DAB2: variants seen among roughly 807,000 people sequenced by gnomAD.
DAB2 encodes disabled homolog 2.
Under a neutral mutation model 71.6 loss-of-function variants are expected in DAB2, and 28 were observed. That is an observed-to-expected ratio of 0.39 (90% CI 0.29 to 0.54). The LOEUF is 0.54. Among genes scored for constraint, DAB2 ranks in the 20% least tolerant of loss-of-function variants. DAB2 has a pLI of 0.68. For synonymous variants in DAB2, 345 were observed against 339.7 expected (o/e 1.02, Z -0.17); for missense variants, 867 against 928.8 (o/e 0.93, Z 0.86).
At chr5:39,396,880 T>C (rs115068723) in intron 1 of DAB2, among the ~76,000 whole-genome samples, 1,959 of 152,310 alleles carry the variant, frequency 0.013, 40 homozygotes, top group African/African-American at 0.039. Context: ...TGTATGTGGA[T>C]GCTGAGTAGC....
At chr5:39,404,401 A>G (rs2112086225) in intron 1 of DAB2, among the ~76,000 whole-genome samples, 1 of 146,104 alleles carries the variant, frequency 6.8e-6, no homozygotes, top group Non-Finnish European at 1.5e-5. Context: ...TAATAAAAAA[A>G]AAGAAAAAGT....
Position 39,382,619 on chromosome 5 carries a change from T to A in DAB2, c.1340A>T (p.Lys447Met), listed in dbSNP as rs1425860486. ...TKPGRGRRTA[K>M]SSANDLLASD... ...GGATATGTGGAGAAGACAATTCACC[T>A]TAGCAGTCCTTCTGCCTCTTCCTGG... is the stretch of plus-strand genomic sequence containing the variant. Residue 447 changes from lysine to methionine, a missense_variant and splice_region_variant, in exon 10 of 15, where the codon AAG (lysine) becomes ATG (methionine). This residue lies in a region of DAB2 where 740 missense variants were observed against 734.3 expected (regional missense o/e 1.01). Transcript: ENST00000320816. 3.7e-6 allele frequency: 6 copies of A among 1,612,080 alleles called. No homozygotes were observed. The highest frequency in any genetic ancestry group is 4.2e-6 in the Non-Finnish European group (5 of 1,178,460).
At chr5:39,374,870 C>T in intron 14 of DAB2, 144 bp downstream of exon 14, 1 of 651,908 alleles carries the variant, frequency 1.5e-6, no homozygotes, top group Non-Finnish European at 2.7e-6. Context: ...TGAATGATCT[C>T]AGTAGAGATT....
intron 1 of DAB2, among the ~76,000 whole-genome samples, chr5:39,404,587 T>A (rs1231667840): frequency 6.8e-6 from 1 of 147,512 alleles, no homozygotes; most frequent in Non-Finnish European, 1.5e-5. Flanking sequence ...GGTTTTTGGG[T>A]TTTTTTTTTG....
At chr5:39,381,375 A>G in intron 11 of DAB2, 79 bp downstream of exon 11, 2 of 1,447,070 alleles carry the variant, frequency 1.4e-6, no homozygotes, top group Non-Finnish European at 1.9e-6. Flanking sequence ...CTCTGGGAGT[A>G]TGAAATCTCT....
intron 1 of DAB2, among the ~76,000 whole-genome samples, chr5:39,400,603 G>T (rs992645088): frequency 6.6e-6 from 1 of 152,130 alleles, no homozygotes; most frequent in African/African-American, 2.4e-5. Context: ...AAGCCATTGG[G>T]CTCAAAGTGA....
chr5:39,390,700 C>T, intron 4 of DAB2, 125 bp from the exon 5 acceptor site: 1 of 622,006 alleles, frequency 1.6e-6, no homozygotes. Context: ...TGAAGATAGA[C>T]TTTTCATTTC....
Position 39,382,519 on chromosome 5 carries a change from A to G in DAB2, c.1341+99T>C. ...CCCACCTTCTATTTCACAGCAACACAGGAAACTACGAGAGCAGCAGGAAAG... is the reference window on the plus strand; with the variant it reads ...CCCACCTTCTATTTCACAGCAACACGGGAAACTACGAGAGCAGCAGGAAAG... On this transcript the variant is annotated intron_variant, in intron 10 of 14. Transcript: ENST00000320816. 2.3e-6 allele frequency: 3 copies of G among 1,304,162 alleles called. No individual in the cohort carries two copies. In the Admixed American group the frequency reaches 6.3e-5, roughly 27 times the overall value. The allele number at this position is 1,304,162 out of a possible 1,614,324, so 80.8% of individuals were successfully genotyped here.
chr5:39,381,505 C>T lies in DAB2; in HGVS notation c.1453G>A (p.Asp485Asn). Residue 485 changes from aspartate to asparagine, a missense_variant, in exon 11 of 15, where the codon GAT (aspartate) becomes AAT (asparagine). Coordinates refer to ENST00000320816, the MANE Select transcript of DAB2 (RefSeq NM_001343.4). ...QPTALQPNPL[D>N]LFKTSAPAPV... ...GCAGGAGCACTTGTTTTGAAGAGAT[C>T]CAGAGGGTTGGGCTGCAGGGCTGTA... is the stretch of plus-strand genomic sequence containing the variant. 6.2e-7 allele frequency: 1 copy of T among 1,614,054 alleles called. No individual in the cohort carries two copies. The highest frequency in any genetic ancestry group is 8.5e-7 in the Non-Finnish European group (1 of 1,179,976).
chr5:39,405,439 C>A (rs1755589703), intron 1 of DAB2, among the ~76,000 whole-genome samples: 1 of 152,236 alleles, frequency 6.6e-6, no homozygotes, highest in African/African-American at 2.4e-5. Flanking sequence ...ATTGAAACTT[C>A]AGGGAAACTA....
chr5:39,388,138 A>C, intron 9 of DAB2, 167 bp downstream of exon 9: 1 of 600,620 alleles, frequency 1.7e-6, no homozygotes, highest in Non-Finnish European at 3.0e-6. Flanking sequence ...ATAGGTTCCC[A>C]TGGTGACTTA....
In DAB2 at chr5:39,377,085, G is replaced by A. The variant is rs1293447933; in HGVS notation, c.1702C>T (p.Pro568Ser). ...GAAGGGCCCCAGACAACAGGCACTG[G>A]AGGGGGAGTTGAGGCTGCAAAGGGT... is the stretch of plus-strand genomic sequence containing the variant. ...PSPFAASTPP[P>S]VPVVWGPSAS... Residue 568 changes from proline to serine, a missense_variant, in exon 12 of 15, where the codon CCA becomes TCA. Coordinates refer to ENST00000320816, the MANE Select transcript of DAB2 (RefSeq NM_001343.4). 2 of 1,614,160 alleles carry A rather than the reference G, an allele frequency of 1.2e-6. No homozygotes were observed. Among genetic ancestry groups the A allele is most frequent in the Non-Finnish European group, 1.7e-6 (2 of 1,180,028 alleles).
At position 39,388,904 on chromosome 5, in the gene DAB2, G is replaced by A. The variant is rs78667013; in HGVS notation, c.571-52C>T. On this transcript the variant is annotated intron_variant, in intron 7 of 14. Transcript: ENST00000320816. ...TTTAGTTGAGCTTTGTCTATAAAAT[G>A]TATTTGTCCACTCTATTAGTCTGCT... 2.6e-4 allele frequency: 385 copies of A among 1,499,420 alleles called. 1 individual carries two copies. The East Asian group carries it at 8.5e-3, about 33-fold the overall frequency. The allele number at this position is 1,499,420 out of a possible 1,614,324, so 92.9% of individuals were successfully genotyped here. A position where few individuals can be genotyped will look rare whatever the true frequency, so the allele number is the denominator to read the frequency against.
chr5:39,381,475 C>T lies in DAB2; in HGVS notation c.1483G>A (p.Val495Met), dbSNP rs147190570. 4.3e-5 allele frequency: 70 copies of T among 1,614,012 alleles called. No individual in the cohort carries two copies. The African/African-American group carries it at 8.3e-4, about 19-fold the overall frequency. The stretch of plus-strand genomic sequence containing the variant: ...CTACCTAGACCCACCAGGGGCCCCA[C>T]TGGGGCAGGAGCACTTGTTTTGAAG... ...DLFKTSAPAP[V>M]GPLVGLGGVT... The change falls in exon 11 of 15, where the codon GTG becomes ATG. Residue 495 changes from valine (V) to methionine (M), a missense_variant. By Grantham distance (21) the Val-to-Met change is conservative (BLOSUM62 1). Transcript: ENST00000320816.
intron 1 of DAB2, among the ~76,000 whole-genome samples, chr5:39,399,019 G>GAGA (rs75467251): frequency 0.027 from 4,182 of 152,276 alleles, 85 homozygotes; most frequent in South Asian, 0.086. Flanking sequence ...AAAGGGATCT[G>GAGA]AGGACCAAAA....
chr5:39,410,373 TG>T, intron 1 of DAB2, among the ~76,000 whole-genome samples: 1 of 152,248 alleles, frequency 6.6e-6, no homozygotes, highest in East Asian at 1.9e-4. Flanking sequence ...GGACATAATC[TG>T]TAAGATTGAA....
intron 13 of DAB2, 45 bp downstream of exon 13, chr5:39,375,952 T>C (rs1432130260): frequency 2.9e-6 from 4 of 1,380,090 alleles, no homozygotes; most frequent in African/African-American, 2.9e-5. Context: ...TGGAGCTCTA[T>C]GTGGCATGTA....
chr5:39,389,974 G>T, intron 5 of DAB2, 42 bp from the exon 6 acceptor site: 1 of 1,333,642 alleles, frequency 7.5e-7, no homozygotes, highest in South Asian at 1.4e-5. Flanking sequence ...TTTAATTTTA[G>T]TATTTTATTT....
intron 1 of DAB2, among the ~76,000 whole-genome samples, chr5:39,413,012 G>A (rs1459180854): frequency 1.3e-5 from 2 of 152,092 alleles, no homozygotes; most frequent in Admixed American, 6.6e-5. Flanking sequence ...GTTAAAAGGT[G>A]GGTCAAACTG....
Sources: allele counts gnomAD v4.1 joint callset (sites outside exome capture counted in the v4.1 genomes callset), GRCh38; gene constraint gnomAD v4.1.1; regional missense constraint gnomAD v4.1.1; transcripts MANE v1.5; gene names NCBI Gene and HGNC (gene_info 2026-07-23, HGNC 2026-07-21).